The following TSGA10 variants were observed in gnomAD, a reference collection of about 807,000 sequenced individuals.
TSGA10 encodes testis specific 10.
In TSGA10, 43 loss-of-function variants were observed where a neutral mutation model predicts 96.6. The ratio of observed to expected loss-of-function variants is 0.44; its 90% CI spans 0.35 to 0.57. TSGA10 has a LOEUF of 0.57. Ranked by LOEUF, TSGA10 falls within the 20% of genes least tolerant of loss-of-function variation. The pLI is 0.01. For synonymous variants in TSGA10, 229 were observed against 269.9 expected (o/e 0.85, Z 1.48); for missense variants, 703 against 834.4 (o/e 0.84, Z 1.94).
chr2:99,104,649 A>AT, intron 9 of TSGA10, among the ~76,000 whole-genome samples: 1 of 152,114 alleles, frequency 6.6e-6, no homozygotes, highest in East Asian at 1.9e-4. Flanking sequence ...AAATTTTCAT[A>AT]TTTTTAGTAG....
chr2:99,006,209 A>T (rs2078455052), intron 20 of TSGA10, among the ~76,000 whole-genome samples: 1 of 152,216 alleles, frequency 6.6e-6, no homozygotes, highest in Non-Finnish European at 1.5e-5. Flanking sequence ...AACCTAGGCA[A>T]TACCGTTCAG....
intron 20 of TSGA10, among the ~76,000 whole-genome samples, chr2:98,999,351 T>A (rs1314061344): frequency 6.6e-6 from 1 of 152,200 alleles, no homozygotes; most frequent in Non-Finnish European, 1.5e-5. Flanking sequence ...CACTAGAGGC[T>A]GCATACTGTA....
intron 20 of TSGA10, among the ~76,000 whole-genome samples, chr2:98,999,083 A>G (rs2077673209): frequency 6.6e-6 from 1 of 151,954 alleles, no homozygotes; most frequent in Non-Finnish European, 1.5e-5. Context: ...TTTAGTAGAG[A>G]TGGGGTTTTG....
chr2:99,042,784 A>C (rs899656014), intron 16 of TSGA10, among the ~76,000 whole-genome samples: 1 of 151,634 alleles, frequency 6.6e-6, no homozygotes, highest in African/African-American at 2.4e-5. Flanking sequence ...GCTCACTGCA[A>C]CCTCTGCTTC....
intron 14 of TSGA10, among the ~76,000 whole-genome samples, chr2:99,071,070 C>G (rs1422915837): frequency 6.6e-6 from 1 of 152,070 alleles, no homozygotes; most frequent in African/African-American, 2.4e-5. Flanking sequence ...TAATCTTCAA[C>G]AGTTAAAGAA....
At chr2:99,114,591 T>C (rs2092094406) in intron 4 of TSGA10, among the ~76,000 whole-genome samples, 1 of 152,212 alleles carries the variant, frequency 6.6e-6, no homozygotes, top group African/African-American at 2.4e-5. Flanking sequence ...ACATTATTTA[T>C]GAAGATCTAT....
At chr2:99,043,569 T>C (rs977161877) in intron 16 of TSGA10, among the ~76,000 whole-genome samples, 1 of 152,042 alleles carries the variant, frequency 6.6e-6, no homozygotes, top group South Asian at 2.1e-4. Flanking sequence ...AGCTAAGAGA[T>C]CTACAATCAG....
At position 99,131,972 on chromosome 2, in the gene TSGA10, C is replaced by T. The variant is rs555249048; in HGVS notation, c.-620-4796G>A. ...TACAACTTCATCCCAGGGATGAAGC[C>T]GACTTGATCATGGTGAATAAGCTTT... On this transcript the variant is annotated intron_variant, in intron 1 of 20. Coordinates refer to ENST00000393483, the MANE Select transcript of TSGA10 (RefSeq NM_025244.4). 5.9e-4 allele frequency among the ~76,000 whole-genome samples: 89 copies of T among 152,052 alleles called. No homozygotes were observed. In the Middle Eastern group the frequency reaches 0.014, roughly 23 times the overall value.
intron 15 of TSGA10, among the ~76,000 whole-genome samples, chr2:99,068,139 T>C (rs941331020): frequency 2.0e-5 from 3 of 152,166 alleles, no homozygotes; most frequent in Non-Finnish European, 4.4e-5. Flanking sequence ...AATTTAGAAA[T>C]CCTTAGAATC....
chr2:99,147,531 G>T (rs774337551), intron 1 of TSGA10: 1 of 1,587,658 alleles, frequency 6.3e-7, no homozygotes, highest in Admixed American at 1.7e-5. Context: ...TATTATACTT[G>T]GTTCCTCCTC....
Position 99,153,204 on chromosome 2 carries a change from G to A in TSGA10, c.-621+1489C>T, listed in dbSNP as rs184273113. ...ACTTAGATGAATACTGAAAAGTCCA[G>A]TGGATCTAGCAATATGAATGTCACC... is the stretch of plus-strand genomic sequence containing the variant. On this transcript the variant is annotated intron_variant, in intron 1 of 20. Transcript: ENST00000393483. Among the ~76,000 whole-genome samples, 437 of 152,322 alleles carry A rather than the reference G, an allele frequency of 2.9e-3. 1 individual carries two copies. The highest frequency in any genetic ancestry group is 8.9e-3 in the African/African-American group (371 of 41,572).
At chr2:99,076,680 T>C (rs1279986260) in intron 12 of TSGA10, among the ~76,000 whole-genome samples, 1 of 152,084 alleles carries the variant, frequency 6.6e-6, no homozygotes, top group African/African-American at 2.4e-5. Flanking sequence ...TGCCCTCCCA[T>C]ATCTATCTCT....
intron 14 of TSGA10, 42 bp downstream of exon 14, chr2:99,071,664 A>ATTT: frequency 6.5e-7 from 1 of 1,533,920 alleles, no homozygotes; most frequent in Non-Finnish European, 8.9e-7. Flanking sequence ...AGAAATTCAT[A>ATTT]TTTTTTTTTC....
At chr2:99,055,571 T>G (rs752798520) in intron 16 of TSGA10, among the ~76,000 whole-genome samples, 5 of 152,094 alleles carry the variant, frequency 3.3e-5, no homozygotes, top group Non-Finnish European at 7.4e-5. Context: ...AAATATCACA[T>G]TGTACACTGT....
chr2:99,133,566 G>A (rs2093197683), intron 1 of TSGA10, among the ~76,000 whole-genome samples: 1 of 152,026 alleles, frequency 6.6e-6, no homozygotes, highest in Non-Finnish European at 1.5e-5. Context: ...CTTTTAGTTG[G>A]GGCATTTAGC....
Position 99,018,563 on chromosome 2 carries a change from C to T in TSGA10, c.1895G>A (p.Arg632Lys), listed in dbSNP as rs374915542. 5 of 1,613,840 alleles carry T rather than the reference C, an allele frequency of 3.1e-6. No homozygotes were observed. The highest frequency in any genetic ancestry group is 4.2e-6 in the Non-Finnish European group (5 of 1,179,976). Residue 632 changes from arginine to lysine, a missense_variant, in exon 19 of 21, where the codon AGA (arginine) becomes AAA (lysine). This residue lies in a region of TSGA10 where 49 missense variants were observed against 96.4 expected (regional missense o/e 0.51). Transcript: ENST00000393483. Reference sequence around the variant, plus strand: ...TTCAAAGCGCTCTGTTCCTAGTTGTCTTTTGGTAATGTCTAAATCAGCTTC... The same window carrying T: ...TTCAAAGCGCTCTGTTCCTAGTTGTTTTTTGGTAATGTCTAAATCAGCTTC... ...QLEADLDITK[R>K]QLGTERFERE...
chr2:99,153,975 A>G (rs913919942), intron 1 of TSGA10, among the ~76,000 whole-genome samples: 2 of 152,216 alleles, frequency 1.3e-5, no homozygotes, highest in Non-Finnish European at 2.9e-5. Flanking sequence ...GGCTTCTTTC[A>G]TCAAGAGGTG....
intron 20 of TSGA10, among the ~76,000 whole-genome samples, chr2:99,006,595 A>T (rs2078499087): frequency 6.6e-6 from 1 of 152,246 alleles, no homozygotes; most frequent in African/African-American, 2.4e-5. Context: ...CCACAATGAG[A>T]TACCATCTCA....
At chr2:99,001,141 T>G (rs1028507892) in intron 20 of TSGA10, among the ~76,000 whole-genome samples, 1 of 152,176 alleles carries the variant, frequency 6.6e-6, no homozygotes, top group African/African-American at 2.4e-5. Flanking sequence ...AGCATGGAGT[T>G]TGAGATCTGA....
Sources: allele counts gnomAD v4.1 joint callset (sites outside exome capture counted in the v4.1 genomes callset), GRCh38; gene constraint gnomAD v4.1.1; regional missense constraint gnomAD v4.1.1; transcripts MANE v1.5; gene names NCBI Gene and HGNC (gene_info 2026-07-23, HGNC 2026-07-21).